TAF4B: variants seen among roughly 807,000 people sequenced by gnomAD.
TAF4B encodes TATA-box binding protein associated factor 4b, also known as transcription initiation factor TFIID subunit 4B.
TAF4B carries 38 observed loss-of-function variants against 86.4 expected under a neutral mutation model. The ratio of observed to expected loss-of-function variants is 0.44; its 90% CI spans 0.34 to 0.58. The LOEUF (loss-of-function observed/expected upper bound fraction) is 0.58. TAF4B is among the 20% of genes least tolerant of loss of function. The probability of loss-of-function intolerance (pLI) is 0.02; values close to 1 mark genes in which losing one functional copy is unlikely to be tolerated. For synonymous variants in TAF4B, 388 were observed against 391.2 expected, an observed-to-expected ratio of 0.99 and a Z score of 0.10; for missense variants, 988 against 1,027.6, an observed-to-expected ratio of 0.96 and a Z score of 0.53.
At chr18:26,346,779 G>A (rs1352703827) in intron 13 of TAF4B, among the ~76,000 whole-genome samples, 2,096 of 17,516 alleles carry the variant, frequency 0.12, 447 homozygotes, top group South Asian at 0.23. Flanking sequence ...ATATATGTGT[G>A]TGTATATATA....
chr18:26,360,450 T>G (rs1489880027), intron 14 of TAF4B, among the ~76,000 whole-genome samples: 1 of 152,204 alleles, frequency 6.6e-6, no homozygotes, highest in Non-Finnish European at 1.5e-5. Flanking sequence ...TTGTCTGGGC[T>G]TTATTCATCT....
At chr18:26,293,657 T>C (rs1033011141) in intron 9 of TAF4B, 126 bp downstream of exon 9, 5 of 572,292 alleles carry the variant, frequency 8.7e-6, no homozygotes, top group African/African-American at 5.8e-5. Flanking sequence ...CAGTACTTTA[T>C]TGAGTATAAT....
chr18:26,258,208 C>T (rs149397521), intron 1 of TAF4B, among the ~76,000 whole-genome samples: 13 of 150,654 alleles, frequency 8.6e-5, no homozygotes, highest in Admixed American at 4.0e-4. Context: ...GAGCTGAGAT[C>T]GCACCACTGC....
At chr18:26,286,686 A>T (rs1045285964) in intron 7 of TAF4B, among the ~76,000 whole-genome samples, 187 bp downstream of exon 7, 2 of 151,032 alleles carry the variant, frequency 1.3e-5, no homozygotes, top group African/African-American at 4.9e-5. Flanking sequence ...AAACACACAT[A>T]TAAGTCCTTT....
rs545127172 is a variant in TAF4B, at chr18:26,298,510, G to T, written c.1832+4979G>T. Among the ~76,000 whole-genome samples the T allele has an allele frequency of 2.0e-4, 30 of 152,166 alleles. No homozygotes were observed. In the South Asian group the frequency reaches 6.2e-3, roughly 32 times the overall value. On this transcript the variant is annotated intron_variant, in intron 9 of 14. Coordinates refer to ENST00000269142, the MANE Select transcript of TAF4B (RefSeq NM_005640.3). ...GCCTCCCAGAGTGCTGGGATTACAG[G>T]TGTGAGCCACCGTGCCCTGCCTGTT...
intron 9 of TAF4B, among the ~76,000 whole-genome samples, chr18:26,305,160 T>G (rs1157488757): frequency 6.6e-6 from 1 of 152,218 alleles, no homozygotes; most frequent in African/African-American, 2.4e-5. Flanking sequence ...CTTCTGTATC[T>G]TCTTCTAAGA....
At chr18:26,357,572 T>C (rs1307312103) in intron 13 of TAF4B, 118 bp from the exon 14 acceptor site, 2 of 612,334 alleles carry the variant, frequency 3.3e-6, no homozygotes, top group Non-Finnish European at 5.3e-6. Context: ...GAATCTAATG[T>C]TTATTTTATA....
At chr18:26,242,719 A>C (rs1156969385) in intron 1 of TAF4B, among the ~76,000 whole-genome samples, 3 of 152,150 alleles carry the variant, frequency 2.0e-5, no homozygotes, top group African/African-American at 7.2e-5. Flanking sequence ...GCAGTGGCTG[A>C]TACTGGTTGT....
rs1567913606 is a variant in TAF4B at position 26,346,779 on chromosome 18, G to GTA, written c.2317-10910_2317-10909insAT. ...TGTGTGTATATATATATATATGTGT[G>GTA]TGTATATATATATATATATGTGTAT... is the stretch of plus-strand genomic sequence containing the variant. On this transcript the variant is annotated intron_variant, in intron 13 of 14. Coordinates refer to ENST00000269142, the MANE Select transcript of TAF4B (RefSeq NM_005640.3). Among the ~76,000 whole-genome samples, 55 of 17,888 alleles carry GTA rather than the reference G, an allele frequency of 3.1e-3. 8 individuals carry two copies. Among genetic ancestry groups the GTA allele is most frequent in the African/African-American group, 9.4e-3 (55 of 5,846 alleles). The allele number at this position is 17,888 out of a possible 152,430, so 11.7% of individuals were successfully genotyped here. A position where few individuals can be genotyped will look rare whatever the true frequency, so the allele number is the denominator to read the frequency against.
At chr18:26,319,123 G>A (rs2056937963) in intron 10 of TAF4B, among the ~76,000 whole-genome samples, 1 of 152,186 alleles carries the variant, frequency 6.6e-6, no homozygotes, top group Admixed American at 6.5e-5. Context: ...GAGCCTGGCA[G>A]GTCGAAGTTG....
intron 2 of TAF4B, among the ~76,000 whole-genome samples, chr18:26,265,561 C>T (rs1265290080): frequency 6.6e-6 from 1 of 152,104 alleles, no homozygotes; most frequent in Non-Finnish European, 1.5e-5. Flanking sequence ...GGGCTATCTG[C>T]ATCTTTTTTG....
chr18:26,355,477 GT>G (rs1301459392), intron 13 of TAF4B, among the ~76,000 whole-genome samples: 2 of 152,130 alleles, frequency 1.3e-5, no homozygotes, highest in African/African-American at 2.4e-5. Flanking sequence ...TGGTTTTACT[GT>G]TTTGTGCTTG....
At chr18:26,335,377 C>T (rs192190420) in intron 13 of TAF4B, 146 bp downstream of exon 13, 107 of 673,058 alleles carry the variant, frequency 1.6e-4, no homozygotes, top group Non-Finnish European at 2.6e-4. Flanking sequence ...AAGGCAAGGG[C>T]AGTACTTCAA....
Position 26,262,740 on chromosome 18 carries a change from C to T in TAF4B, c.344-2430C>T, listed in dbSNP as rs1598737035. Among the ~76,000 whole-genome samples, 6 of 152,136 alleles carry T rather than the reference C, an allele frequency of 3.9e-5. 1 individual carries two copies. The highest frequency in any genetic ancestry group is 3.9e-4 in the Admixed American group (6 of 15,276). Reference sequence around the variant, plus strand: ...AAGTGATCTGCCTGCCTTGGCCTCCCAAAGTGCTGGGTTTACAAGTGTGAG... The same window carrying T: ...AAGTGATCTGCCTGCCTTGGCCTCCTAAAGTGCTGGGTTTACAAGTGTGAG... On this transcript the variant is annotated intron_variant, in intron 1 of 14. Transcript: ENST00000269142.
At chr18:26,328,951 A>G (rs1252532307) in intron 12 of TAF4B, among the ~76,000 whole-genome samples, 1 of 151,438 alleles carries the variant, frequency 6.6e-6, no homozygotes, top group African/African-American at 2.4e-5. Context: ...TTCTACACAT[A>G]CAATCATTAA....
intron 1 of TAF4B, among the ~76,000 whole-genome samples, chr18:26,235,010 A>G (rs527437782): frequency 8.5e-5 from 13 of 152,114 alleles, no homozygotes; most frequent in South Asian, 2.1e-4. Context: ...TACTACATCA[A>G]TTTCCTTACT....
intron 5 of TAF4B, among the ~76,000 whole-genome samples, chr18:26,280,780 C>G (rs1398495010): frequency 6.6e-6 from 1 of 152,058 alleles, no homozygotes; most frequent in Non-Finnish European, 1.5e-5. Flanking sequence ...ACCATTTGAC[C>G]CAGCAGTGCC....
At chr18:26,266,000 C>T (rs2056234751) in intron 2 of TAF4B, 1 of 151,896 alleles carries the variant, frequency 6.6e-6, no homozygotes, top group South Asian at 2.1e-4. Context: ...GTTTTGAACT[C>T]CTGACTTCAG....
At chr18:26,238,094 T>G (rs185210363) in intron 1 of TAF4B, among the ~76,000 whole-genome samples, 1 of 152,204 alleles carries the variant, frequency 6.6e-6, no homozygotes, top group African/African-American at 2.4e-5. Flanking sequence ...TGGCCCTTAC[T>G]GACGCATTCT....
Sources: gnomAD v4.1 joint callset for allele counts (sites outside exome capture counted in the v4.1 genomes callset) on GRCh38, gnomAD v4.1.1 for gene constraint, MANE v1.5 for transcripts, NCBI Gene and HGNC (gene_info 2026-07-23, HGNC 2026-07-21) for gene names.